Variants in DENND4A observed in about 807,000 individuals in gnomAD.
DENND4A encodes the protein DENN domain containing 4A.
In DENND4A, 70 loss-of-function variants were observed where a neutral mutation model predicts 199.3. The ratio of observed to expected loss-of-function variants is 0.35; its 90% CI spans 0.29 to 0.43. DENND4A has a LOEUF of 0.43. DENND4A is among the 20% of genes least tolerant of loss of function. The probability of loss-of-function intolerance (pLI) is 1.00; values close to 1 mark genes in which losing one functional copy is unlikely to be tolerated. For missense variants in DENND4A, 1,723 were observed against 2,255.8 expected (o/e 0.76, Z 4.78); for synonymous variants, 686 against 766.9 (o/e 0.89, Z 1.74).
chr15:65,736,122 T>C (rs1204923449), intron 7 of DENND4A, among the ~76,000 whole-genome samples: 1 of 152,216 alleles, frequency 6.6e-6, no homozygotes, highest in Non-Finnish European at 1.5e-5. Flanking sequence ...TTAATATTAA[T>C]AATAAAATGT....
chr15:65,687,137 T>G (rs527869949), intron 23 of DENND4A, among the ~76,000 whole-genome samples: 1 of 152,338 alleles, frequency 6.6e-6, no homozygotes, highest in Admixed American at 6.5e-5. Flanking sequence ...TATTTGAATA[T>G]TTTTATTGGC....
chr15:65,730,661 C>T (rs7173491), intron 9 of DENND4A, among the ~76,000 whole-genome samples: 32,568 of 151,864 alleles, frequency 0.21, 3,984 homozygotes, highest in African/African-American at 0.33. Flanking sequence ...ACAGTATAGA[C>T]AGATCTATAG....
At chr15:65,696,308 A>G in intron 22 of DENND4A, 58 bp downstream of exon 22, 1 of 1,549,706 alleles carries the variant, frequency 6.5e-7, no homozygotes, top group Non-Finnish European at 8.7e-7. Flanking sequence ...ATAAGTATTC[A>G]CTAGTCATAC....
chr15:65,737,692 G>C lies in DENND4A; in HGVS notation c.1040+15C>G. ...AAAGATCTGTCAAATGTTGAACCAAGAACACTTAACTTACTTCTCAATTGG... is the reference window on the plus strand; with the variant it reads ...AAAGATCTGTCAAATGTTGAACCAACAACACTTAACTTACTTCTCAATTGG... On this transcript the variant is annotated intron_variant, in intron 7 of 32. Transcript: ENST00000443035. The C allele has an allele frequency of 6.4e-7, 1 of 1,554,032 alleles. No homozygotes were observed.
intron 23 of DENND4A, among the ~76,000 whole-genome samples, chr15:65,678,940 C>T (rs766011114): frequency 1.4e-4 from 21 of 152,154 alleles, no homozygotes; most frequent in Non-Finnish European, 2.4e-4. Flanking sequence ...ATATGCCTGC[C>T]TTGGCCTCCC....
intron 3 of DENND4A, 123 bp from the exon 4 acceptor site, chr15:65,752,751 A>G (rs2076601465): frequency 1.5e-6 from 1 of 646,758 alleles, no homozygotes; most frequent in Non-Finnish European, 2.5e-6. Context: ...ATCTTACTGC[A>G]ATTTTAAAAT....
chr15:65,685,299 T>C (rs1290530104), intron 23 of DENND4A, among the ~76,000 whole-genome samples: 1 of 152,166 alleles, frequency 6.6e-6, no homozygotes, highest in African/African-American at 2.4e-5. Context: ...GCTAATTTTT[T>C]GTATTTTTAG....
chr15:65,757,987 GAA>G (rs1213913202), intron 2 of DENND4A, among the ~76,000 whole-genome samples: 2 of 147,738 alleles, frequency 1.4e-5, no homozygotes, highest in South Asian at 2.1e-4. Context: ...ATCTCAAAAA[GAA>G]AAAAAAAAGT....
intron 1 of DENND4A, among the ~76,000 whole-genome samples, chr15:65,777,268 G>A (rs771575452): frequency 2.6e-5 from 4 of 152,040 alleles, no homozygotes; most frequent in Non-Finnish European, 5.9e-5. Context: ...TTCTATCATC[G>A]GGTACTGTGA....
intron 14 of DENND4A, among the ~76,000 whole-genome samples, chr15:65,713,045 T>A (rs1226636673): frequency 6.6e-6 from 1 of 152,138 alleles, no homozygotes; most frequent in Non-Finnish European, 1.5e-5. Flanking sequence ...AATACAATCA[T>A]CTGGGAATTA....
intron 23 of DENND4A, among the ~76,000 whole-genome samples, chr15:65,683,880 T>G (rs2076664288): frequency 6.6e-6 from 1 of 152,142 alleles, no homozygotes; most frequent in Non-Finnish European, 1.5e-5. Flanking sequence ...CCATTTACAG[T>G]TAATCTCCAT....
intron 23 of DENND4A, among the ~76,000 whole-genome samples, chr15:65,682,771 A>G (rs1219045105): frequency 2.0e-5 from 3 of 152,160 alleles, no homozygotes; most frequent in Admixed American, 1.3e-4. Context: ...CTTTCATGTG[A>G]ACACTTTAGA....
chr15:65,740,284 AAAAAAAAAAGAAAG>A (rs1567064435), intron 5 of DENND4A, among the ~76,000 whole-genome samples: 2 of 151,698 alleles, frequency 1.3e-5, no homozygotes, highest in African/African-American at 2.4e-5. Context: ...ATCTCCCAAA[AAAAAAAAAAGAAAG>A]AAAAAAAAAG....
At chr15:65,748,064 G>GAA (rs1555431499) in intron 4 of DENND4A, among the ~76,000 whole-genome samples, 1 of 97,066 alleles carries the variant, frequency 1.0e-5, no homozygotes, top group Non-Finnish European at 2.1e-5. Context: ...AAAAAAAAAA[G>GAA]GAAAAAAAAA....
intron 20 of DENND4A, among the ~76,000 whole-genome samples, chr15:65,698,930 G>A (rs1451052189): frequency 6.6e-6 from 1 of 151,850 alleles, no homozygotes; most frequent in African/African-American, 2.4e-5. Context: ...TAGAGATGGT[G>A]TTTCGCCATG....
chr15:65,781,949 T>C (rs750473604), intron 1 of DENND4A, among the ~76,000 whole-genome samples: 4 of 152,192 alleles, frequency 2.6e-5, no homozygotes, highest in Non-Finnish European at 4.4e-5. Context: ...GAAAGTATTA[T>C]TGTCACTGGT....
intron 23 of DENND4A, among the ~76,000 whole-genome samples, chr15:65,677,799 T>C (rs2076432722): frequency 6.6e-6 from 1 of 152,218 alleles, no homozygotes; most frequent in Non-Finnish European, 1.5e-5. Context: ...ATATACAGTT[T>C]TATTTCTGGA....
intron 10 of DENND4A, 143 bp downstream of exon 10, chr15:65,729,391 G>T: frequency 7.3e-7 from 1 of 1,370,226 alleles, no homozygotes; most frequent in Non-Finnish European, 1.0e-6. Flanking sequence ...AGAGTTAATG[G>T]TCAGGAAATC....
Position 65,665,978 on chromosome 15 carries a change from G to A in DENND4A, c.5242-516C>T, listed in dbSNP as rs528718826. Among the ~76,000 whole-genome samples, 47 of 152,190 alleles carry A rather than the reference G, an allele frequency of 3.1e-4. No homozygotes were observed. The South Asian group carries it at 9.1e-3, about 30-fold the overall frequency. On this transcript the variant is annotated intron_variant, in intron 29 of 32. Transcript: ENST00000443035. ...AGACACTTTTATAAAACAACATACC[G>A]AAAATACAAATGAACATATAACAAA...
Sources: allele counts gnomAD v4.1 joint callset (sites outside exome capture counted in the v4.1 genomes callset), GRCh38; gene constraint gnomAD v4.1.1; transcripts MANE v1.5; gene names NCBI Gene and HGNC (gene_info 2026-07-23, HGNC 2026-07-21).